KDM5A: variants seen among roughly 807,000 people sequenced by gnomAD.
KDM5A encodes the protein lysine-specific demethylase 5A.
A neutral mutation model predicts 193.5 loss-of-function variants in KDM5A; 42 were observed. The observed-to-expected ratio is 0.22, with a 90% CI of 0.17 to 0.28. KDM5A has a LOEUF of 0.28. Among genes scored for constraint, KDM5A ranks in the 10% least tolerant of loss-of-function variants. The pLI, the probability that KDM5A is intolerant of heterozygous loss-of-function variation, is 1.00. For synonymous variants in KDM5A, 796 were observed against 718.1 expected (o/e 1.11, Z -1.73); for missense variants, 1,692 against 2,055.1 (o/e 0.82, Z 3.42).
intron 27 of KDM5A, among the ~76,000 whole-genome samples, chr12:288,703 G>C (rs1019831081): frequency 1.9e-4 from 29 of 152,294 alleles, no homozygotes; most frequent in African/African-American, 7.0e-4. Flanking sequence ...AGCAAAAGCT[G>C]GATTTGAAAA....
At chr12:338,022 C>A (rs899225662) in intron 10 of KDM5A, among the ~76,000 whole-genome samples, 9 of 152,070 alleles carry the variant, frequency 5.9e-5, no homozygotes, top group African/African-American at 1.4e-4. Flanking sequence ...CCCACTGACC[C>A]ATCAATCTTT....
At chr12:383,823 A>G (rs1226962638) in intron 3 of KDM5A, among the ~76,000 whole-genome samples, 1 of 151,444 alleles carries the variant, frequency 6.6e-6, no homozygotes, top group African/African-American at 2.4e-5. Context: ...ATCTCAGCTC[A>G]CCACAACCTC....
rs374792972 is a variant in KDM5A, at chr12:389,146, G to A, written c.-55C>T. 64 of 1,544,974 alleles carry A rather than the reference G, an allele frequency of 4.1e-5. No individual in the cohort carries two copies. Among genetic ancestry groups the A allele is most frequent in the African/African-American group, 5.4e-5 (4 of 73,922 alleles). On this transcript the variant is annotated 5_prime_UTR_variant, in exon 1 of 28. Transcript: ENST00000399788. ...CGTGGGGAACCGGTGGAGAAAAGCT[G>A]GCTGAAGCCCACTAAGCCCGTTCAA...
At position 385,179 on chromosome 12, in the gene KDM5A, T is replaced by C. The variant is rs1040394355; in HGVS notation, c.243+718A>G. ...GCCTGGGTGACAGAGCAAGACTCTC[T>C]GGAAAAAAAAAAAAAAAAAAAGTAT... On this transcript the variant is annotated intron_variant, in intron 2 of 27. Transcript: ENST00000399788. Among the ~76,000 whole-genome samples, 5 of 132,052 alleles carry C rather than the reference T, an allele frequency of 3.8e-5. No individual in the cohort carries two copies. The Admixed American group carries it at 4.0e-4, about 11-fold the overall frequency. 86.6% of individuals were successfully genotyped at this position (132,052 alleles called of 152,430 possible).
At chr12:334,473 C>T in intron 10 of KDM5A, 51 bp from the exon 11 acceptor site, 1 of 1,502,002 alleles carries the variant, frequency 6.7e-7, no homozygotes, top group Non-Finnish European at 9.3e-7. Context: ...GAAAAGTGCT[C>T]AATAGAAATG....
intron 14 of KDM5A, among the ~76,000 whole-genome samples, chr12:328,436 C>T (rs746705604): frequency 1.1e-4 from 16 of 152,080 alleles, no homozygotes; most frequent in Non-Finnish European, 1.8e-4. Context: ...TCCATCCTTC[C>T]TATTCATCAA....
intron 3 of KDM5A, among the ~76,000 whole-genome samples, chr12:379,609 T>C (rs1026677792): frequency 1.3e-5 from 2 of 152,168 alleles, no homozygotes; most frequent in African/African-American, 4.8e-5. Flanking sequence ...TATTATAAAC[T>C]AAAATAACTA....
chr12:342,047 G>GA (rs1212875972), intron 10 of KDM5A, among the ~76,000 whole-genome samples: 1 of 152,092 alleles, frequency 6.6e-6, no homozygotes, highest in East Asian at 1.9e-4. Context: ...GTCAGCTTAG[G>GA]AAAAAAAGCA....
chr12:338,891 C>T (rs1296478828), intron 10 of KDM5A, among the ~76,000 whole-genome samples: 3 of 152,042 alleles, frequency 2.0e-5, no homozygotes, highest in African/African-American at 4.8e-5. Context: ...TCATAAGACA[C>T]AACTTCCGGC....
intron 10 of KDM5A, among the ~76,000 whole-genome samples, chr12:349,931 C>T (rs1367019467): frequency 2.0e-5 from 3 of 150,586 alleles, no homozygotes; most frequent in Non-Finnish European, 4.4e-5. Context: ...GAGTTCGAGA[C>T]CAGCCTGACC....
chr12:351,798 G>C (rs1279106168), intron 9 of KDM5A, among the ~76,000 whole-genome samples: 1 of 151,836 alleles, frequency 6.6e-6, no homozygotes, highest in Non-Finnish European at 1.5e-5. Context: ...GTGAAATCCC[G>C]TCTCTATTAA....
intron 18 of KDM5A, among the ~76,000 whole-genome samples, chr12:319,591 A>C (rs998782687): frequency 6.6e-6 from 1 of 152,062 alleles, no homozygotes; most frequent in Non-Finnish European, 1.5e-5. Flanking sequence ...GTCTCTACAA[A>C]ACATACAAAA....
intron 19 of KDM5A, among the ~76,000 whole-genome samples, chr12:316,802 A>G (rs1383675708): frequency 1.3e-5 from 2 of 152,224 alleles, no homozygotes; most frequent in Non-Finnish European, 1.5e-5. Flanking sequence ...TCCAGTGTAC[A>G]CAGAGGCTTC....
chr12:301,459 A>G (rs1355868081), intron 24 of KDM5A, among the ~76,000 whole-genome samples: 2 of 152,244 alleles, frequency 1.3e-5, no homozygotes, highest in African/African-American at 4.8e-5. Flanking sequence ...GATGCAGAAA[A>G]GGCCTTCAAC....
chr12:385,948 T>C lies in KDM5A; in HGVS notation c.192A>G (p.Glu64=), dbSNP rs761426698. ...TTGGAGTGAAACGAAAGCTTTTTAC[T>C]TCACAGGCAAATGGAGGCTGCCAGT... ...PKDWQPPFAC[E]VKSFRFTPRV... is the part of the protein sequence containing the mutation. Residue 64 remains glutamate (E), a synonymous_variant, in exon 2 of 28, where the codon GAA becomes GAG. Coordinates refer to ENST00000399788, the MANE Select transcript of KDM5A (RefSeq NM_001042603.3). 1 of 1,613,886 alleles carries C rather than the reference T, an allele frequency of 6.2e-7. No individual in the cohort carries two copies.
Position 318,323 on chromosome 12 carries a change from G to C in KDM5A, c.2680C>G (p.Leu894Val). 6.2e-7 allele frequency: 1 copy of C among 1,614,148 alleles called. No individual in the cohort carries two copies. Among genetic ancestry groups the C allele is most frequent in the Non-Finnish European group, 8.5e-7 (1 of 1,180,024 alleles). Residue 894 changes from leucine to valine, a missense_variant, in exon 19 of 28, where the codon CTG (leucine) becomes GTG (valine). Leu to Val is a conservative substitution (Grantham distance 32). Around this residue, in one of 11 missense-constraint regions of KDM5A, gnomAD observed 965 missense variants for 1,061.0 expected, o/e 0.91. Transcript: ENST00000399788. ...LYVELPELPR[L>V]KQELQQARWL... ...CGAGCCTGTTGTAGCTCTTGCTTCA[G>C]TCGTGGTAATTCAGGGAGTTCCACA...
chr12:284,129 A>AT lies in KDM5A; in HGVS notation c.*1326dup, dbSNP rs916748372. The AT allele has an allele frequency of 0.017, 3,630 of 210,486 alleles. 52 individuals are homozygous for AT. The highest frequency in any genetic ancestry group is 0.053 in the African/African-American group (2,337 of 43,758). The allele number at this position is 210,486 out of a possible 1,614,324, so 13.0% of individuals were successfully genotyped here. On this transcript the variant is annotated 3_prime_UTR_variant, in exon 28 of 28. Coordinates refer to ENST00000399788, the MANE Select transcript of KDM5A (RefSeq NM_001042603.3). ...CCTTGTACTACAAAGAAGGAATGGG[A>AT]TTTTTTTTTTTAAAGCAAAAAAGAA...
rs903192428 is a variant in KDM5A at position 282,642 on chromosome 12, A to C, written c.*2814T>G. The C allele has an allele frequency of 1.3e-5, 3 of 232,994 alleles. No individual in the cohort carries two copies. Among genetic ancestry groups the C allele is most frequent in the African/African-American group, 6.6e-5 (3 of 45,352 alleles). 14.4% of individuals were successfully genotyped at this position (232,994 alleles called of 1,614,324 possible). On this transcript the variant is annotated 3_prime_UTR_variant, in exon 28 of 28. Transcript: ENST00000399788. Reference sequence around the variant, plus strand: ...TAGCTTTTAAGAATACCACAGGCCTACCATATTTCCATTTTTCTTTCTATA... The same window carrying C: ...TAGCTTTTAAGAATACCACAGGCCTCCCATATTTCCATTTTTCTTTCTATA...
chr12:336,358 T>TAAAAAAAAAAAA (rs61128182), intron 10 of KDM5A, among the ~76,000 whole-genome samples: 1 of 72,554 alleles, frequency 1.4e-5, no homozygotes. Flanking sequence ...CCTGTCTCAC[T>TAAAAAAAAAAAA]AAAAAAAAAA....
Sources: gnomAD v4.1 joint callset for allele counts (sites outside exome capture counted in the v4.1 genomes callset) on GRCh38, gnomAD v4.1.1 for gene constraint, gnomAD v4.1.1 regional missense constraint, MANE v1.5 for transcripts, NCBI Gene and HGNC (gene_info 2026-07-23, HGNC 2026-07-21) for gene names.